The following SLC27A1 variants were observed in gnomAD, a reference collection of about 807,000 sequenced individuals.
The protein encoded by SLC27A1 is long-chain fatty acid transport protein 1.
A neutral mutation model predicts 62.2 loss-of-function variants in SLC27A1; 61 were observed. The ratio of observed to expected loss-of-function variants is 0.98; its 90% CI spans 0.80 to 1.21. SLC27A1 has a LOEUF of 1.21. SLC27A1 is among the 50% of genes most tolerant of loss of function. The pLI is 0.00. For synonymous variants in SLC27A1, 435 were observed against 408.6 expected, an observed-to-expected ratio of 1.06 and a Z score of -0.78; for missense variants, 903 against 932.1, an observed-to-expected ratio of 0.97 and a Z score of 0.41.
chr19:17,488,096 C>T (rs552649055), intron 4 of SLC27A1, among the ~76,000 whole-genome samples: 92 of 152,292 alleles, frequency 6.0e-4, no homozygotes, highest in Admixed American at 1.2e-3. Context: ...TGGTGGCTTA[C>T]GCCTGTAACC....
chr19:17,504,831 T>C lies in SLC27A1; in HGVS notation c.*219T>C, dbSNP rs1478661445. On this transcript the variant is annotated 3_prime_UTR_variant, in exon 12 of 12. Coordinates refer to ENST00000252595, the MANE Select transcript of SLC27A1 (RefSeq NM_198580.3). ...TGCCTCCTCTCCCTGCTTTTCAGCC[T>C]CTGTCTCCTTCCATCCCTGTCCCTG... 4 of 698,936 alleles carry C rather than the reference T, an allele frequency of 5.7e-6. No homozygotes were observed. The highest frequency in any genetic ancestry group is 2.0e-5 in the Admixed American group (1 of 49,674). The allele number at this position is 698,936 out of a possible 1,614,324, so 43.3% of individuals were successfully genotyped here.
chr19:17,502,438 AC>A (rs1272094976), intron 11 of SLC27A1, among the ~76,000 whole-genome samples: 2 of 125,548 alleles, frequency 1.6e-5, no homozygotes, highest in Admixed American at 2.0e-4. Context: ...TGCAACCTCT[AC>A]CTCCTGGGTT....
At chr19:17,472,813 C>T (rs2075089493) in intron 1 of SLC27A1, among the ~76,000 whole-genome samples, 1 of 152,000 alleles carries the variant, frequency 6.6e-6, no homozygotes, top group Non-Finnish European at 1.5e-5. Flanking sequence ...AGGCATGAGC[C>T]ACCATGCCTG....
intron 1 of SLC27A1, among the ~76,000 whole-genome samples, chr19:17,478,559 A>G (rs977283379): frequency 4.6e-5 from 7 of 151,642 alleles, no homozygotes; most frequent in Non-Finnish European, 8.8e-5. Context: ...TGAGAGCTGA[A>G]TTAAGGAGGC....
chr19:17,499,922 T>C (rs1010106081), intron 7 of SLC27A1: 36 of 256,176 alleles, frequency 1.4e-4, no homozygotes, highest in Non-Finnish European at 2.6e-4. Context: ...TTTCTGTTCA[T>C]AGAACCATGC....
Sources: gnomAD v4.1 joint callset for allele counts (sites outside exome capture counted in the v4.1 genomes callset) on GRCh38, gnomAD v4.1.1 for gene constraint, MANE v1.5 for transcripts, NCBI Gene and HGNC (gene_info 2026-07-23, HGNC 2026-07-21) for gene names.